The following KIF26B variants were observed in gnomAD, a reference collection of about 807,000 sequenced individuals.
The protein encoded by KIF26B is kinesin-like protein KIF26B.
Under a neutral mutation model 151.2 loss-of-function variants are expected in KIF26B, and 63 were observed. That is an observed-to-expected ratio of 0.42 (90% CI 0.34 to 0.51). The LOEUF (loss-of-function observed/expected upper bound fraction) is 0.51, where lower values mean the gene tolerates loss of function less well. Ranked by LOEUF, KIF26B falls within the 20% of genes least tolerant of loss-of-function variation. The pLI, the probability that KIF26B is intolerant of heterozygous loss-of-function variation, is 0.07. For synonymous variants in KIF26B, 1,357 were observed against 1,262.1 expected (o/e 1.08, Z -1.59); for missense variants, 2,813 against 2,913.6 (o/e 0.97, Z 0.79).
At chr1:245,379,756 A>G (rs1673361042) in intron 3 of KIF26B, among the ~76,000 whole-genome samples, 1 of 152,074 alleles carries the variant, frequency 6.6e-6, no homozygotes, top group African/African-American at 2.4e-5. Context: ...GGACCACCTG[A>G]GGTCAGGAGT....
intron 2 of KIF26B, among the ~76,000 whole-genome samples, chr1:245,185,299 T>C (rs928465487): frequency 6.6e-6 from 1 of 151,956 alleles, no homozygotes; most frequent in Non-Finnish European, 1.5e-5. Context: ...CCACCACACC[T>C]GGCTAGTTTT....
chr1:245,421,774 G>A (rs1624589), intron 4 of KIF26B, among the ~76,000 whole-genome samples: 5,281 of 152,086 alleles, frequency 0.035, 315 homozygotes, highest in African/African-American at 0.12. Context: ...TTCTTGGTGC[G>A]AGGAAACCAG....
chr1:245,592,947 G>A (rs925009073), intron 5 of KIF26B, among the ~76,000 whole-genome samples: 2 of 152,120 alleles, frequency 1.3e-5, no homozygotes, highest in Non-Finnish European at 2.9e-5. Context: ...AGGGATCACA[G>A]CCTCCTTAGT....
chr1:245,398,362 A>G (rs1024824195), intron 3 of KIF26B, among the ~76,000 whole-genome samples: 5 of 152,156 alleles, frequency 3.3e-5, no homozygotes, highest in Non-Finnish European at 7.3e-5. Flanking sequence ...GCCAGGGTTC[A>G]TGGAGCCTGT....
Position 245,606,143 on chromosome 1 carries a change from G to A in KIF26B, c.1558-1508G>A, listed in dbSNP as rs1484956353. 3.9e-5 allele frequency among the ~76,000 whole-genome samples: 6 copies of A among 152,088 alleles called. No individual in the cohort carries two copies. On this transcript the variant is annotated intron_variant, in intron 6 of 14. Transcript: ENST00000407071. This position sits in a 1 kb window ranked among gnomAD's most constrained non-coding sequence, Gnocchi z 4.6. ...CTGGGGGGTTTGAAAGATCCTGTGT[G>A]CCCTACAGCAGCCCTGTCCTGCCAC...
At chr1:245,176,078 C>T (rs1668803895) in intron 2 of KIF26B, among the ~76,000 whole-genome samples, 1 of 151,974 alleles carries the variant, frequency 6.6e-6, no homozygotes, top group Non-Finnish European at 1.5e-5. Flanking sequence ...CAGCTCACTG[C>T]AACCTCTGCC....
At position 245,686,007 on chromosome 1, in the gene KIF26B, G is replaced by GCCCGCCGCGGCA; in HGVS notation, c.3031_3042dup (p.Ala1011_Ala1014dup). ...AGATGCAGAGGAGTCACTCACCTGT[G>GCCCGCCGCGGCA]CCCGCCGCGGCACCCGCCCACAGCC... On this transcript the variant is annotated inframe_insertion, in exon 12 of 15. Transcript: ENST00000407071. This position sits in a 1 kb window ranked among gnomAD's most constrained non-coding sequence, Gnocchi z 5.6. The GCCCGCCGCGGCA allele has an allele frequency of 6.3e-7, 1 of 1,584,766 alleles. No homozygotes were observed. Among genetic ancestry groups the GCCCGCCGCGGCA allele is most frequent in the Non-Finnish European group, 8.6e-7 (1 of 1,166,384 alleles).
intron 2 of KIF26B, among the ~76,000 whole-genome samples, chr1:245,262,643 C>T (rs1303650586): frequency 3.3e-5 from 5 of 152,046 alleles, no homozygotes; most frequent in South Asian, 2.1e-4. Context: ...TCAGGAGGGA[C>T]GTGGTTTCTC....
At chr1:245,320,892 G>A (rs1005900548) in intron 2 of KIF26B, among the ~76,000 whole-genome samples, 1 of 152,116 alleles carries the variant, frequency 6.6e-6, no homozygotes, top group African/African-American at 2.4e-5. Flanking sequence ...CGGTCAGGCT[G>A]GTCTTGAACT....
Position 245,560,018 on chromosome 1 carries a change from C to G in KIF26B, c.1350+19068C>G, listed in dbSNP as rs1208188469. On this transcript the variant is annotated intron_variant, in intron 5 of 14. Coordinates refer to ENST00000407071, the MANE Select transcript of KIF26B (RefSeq NM_018012.4). This position sits in a 1 kb window ranked among gnomAD's most constrained non-coding sequence, Gnocchi z 4.3. Reference sequence around the variant, plus strand: ...TCGTCTCTGCCAGGGATGCTCGTCTCTCATTCGTTTTTTTGGCGTGGAAAC... The same window carrying G: ...TCGTCTCTGCCAGGGATGCTCGTCTGTCATTCGTTTTTTTGGCGTGGAAAC... Among the ~76,000 whole-genome samples, 6 of 152,096 alleles carry G rather than the reference C, an allele frequency of 3.9e-5. No homozygotes were observed. The highest frequency in any genetic ancestry group is 1.4e-4 in the African/African-American group (6 of 41,426).
At chr1:245,276,331 T>TAA (rs35637367) in intron 2 of KIF26B, among the ~76,000 whole-genome samples, 7 of 146,998 alleles carry the variant, frequency 4.8e-5, no homozygotes, top group African/African-American at 1.7e-4. Flanking sequence ...ACTTCCATCT[T>TAA]AAAAAAAAAA....
At chr1:245,456,550 C>T (rs1004015759) in intron 4 of KIF26B, among the ~76,000 whole-genome samples, 2 of 152,212 alleles carry the variant, frequency 1.3e-5, no homozygotes, top group African/African-American at 4.8e-5. Context: ...TTTTCTTGCT[C>T]ATTTGGTTGA....
intron 4 of KIF26B, among the ~76,000 whole-genome samples, chr1:245,468,009 C>T (rs1468490028): frequency 6.8e-6 from 1 of 146,418 alleles, no homozygotes; most frequent in Middle Eastern, 3.5e-3. Context: ...TTGAACACCC[C>T]TGAAGCATTT....
At chr1:245,699,757 TGCCTCCCCTTCCCATCCAGCCCTCA>T (rs2044743660) in intron 14 of KIF26B, among the ~76,000 whole-genome samples, 1 of 152,346 alleles carries the variant, frequency 6.6e-6, no homozygotes, top group East Asian at 1.9e-4. Context: ...AAGTTCCCTC[TGCCTCCCCTTCCCATCCAGCCCTCA>T]GCCTCCGGCA....
chr1:245,497,022 G>A (rs895019269), intron 4 of KIF26B, among the ~76,000 whole-genome samples: 6 of 152,036 alleles, frequency 3.9e-5, no homozygotes, highest in East Asian at 1.9e-4. Context: ...GTGTGGTGGC[G>A]CATGTCTGTA....
intron 6 of KIF26B, 123 bp from the exon 7 acceptor site, chr1:245,607,528 C>G: frequency 1.4e-6 from 1 of 733,484 alleles, no homozygotes; most frequent in Non-Finnish European, 2.2e-6. Context: ...CAGAGGCCAA[C>G]CCACCTGGGA....
chr1:245,639,434 G>T (rs552113477), intron 9 of KIF26B, among the ~76,000 whole-genome samples: 1 of 151,456 alleles, frequency 6.6e-6, no homozygotes, highest in East Asian at 1.9e-4. Context: ...TTTTGTTGGG[G>T]TTTTTTGTAT....
At chr1:245,310,050 CATT>C (rs955893288) in intron 2 of KIF26B, among the ~76,000 whole-genome samples, 27 of 146,354 alleles carry the variant, frequency 1.8e-4, no homozygotes, top group African/African-American at 3.5e-4. Context: ...CTAGTTGTAA[CATT>C]ATAATATATA....
intron 4 of KIF26B, among the ~76,000 whole-genome samples, chr1:245,432,703 T>C (rs527524721): frequency 2.0e-5 from 3 of 152,306 alleles, no homozygotes; most frequent in Admixed American, 6.5e-5. Context: ...ATGTGTGATA[T>C]TATGTGGTGT....
Sources: gnomAD v4.1 joint callset for allele counts (sites outside exome capture counted in the v4.1 genomes callset) on GRCh38, gnomAD v4.1.1 for gene constraint, Gnocchi (gnomAD v3.1) non-coding constraint, MANE v1.5 for transcripts, NCBI Gene and HGNC (gene_info 2026-07-23, HGNC 2026-07-21) for gene names.